ACOXL: variants seen among roughly 807,000 people sequenced by gnomAD.
ACOXL encodes acyl-coenzyme A oxidase-like protein.
Under a neutral mutation model 71.9 loss-of-function variants are expected in ACOXL, and 70 were observed. The observed-to-expected ratio is 0.97, with a 90% CI of 0.80 to 1.19. The LOEUF (loss-of-function observed/expected upper bound fraction) is 1.19, where lower values mean the gene tolerates loss of function less well. Ranked by LOEUF, ACOXL falls within the 50% of genes most tolerant of loss-of-function variation. The pLI, the probability that ACOXL is intolerant of heterozygous loss-of-function variation, is 0.00. For missense variants in ACOXL, 703 were observed against 736.3 expected, an observed-to-expected ratio of 0.95 and a Z score of 0.52; for synonymous variants, 253 against 281.6, an observed-to-expected ratio of 0.90 and a Z score of 1.02.
At chr2:111,049,408 G>A (rs1034993244) in intron 16 of ACOXL, 120 bp downstream of exon 16, 2 of 779,842 alleles carry the variant, frequency 2.6e-6, no homozygotes, top group Non-Finnish European at 2.1e-6. Flanking sequence ...GTGCTCCAGG[G>A]GGATAAGCTT....
At chr2:111,064,213 G>T (rs540432993) in intron 16 of ACOXL, among the ~76,000 whole-genome samples, 1 of 152,090 alleles carries the variant, frequency 6.6e-6, no homozygotes, top group African/African-American at 2.4e-5. Flanking sequence ...AAGGTGGGTG[G>T]ATCACGAGGT....
chr2:110,936,719 T>C (rs2060676714), intron 12 of ACOXL, among the ~76,000 whole-genome samples: 3 of 152,228 alleles, frequency 2.0e-5, no homozygotes, highest in South Asian at 4.1e-4. Context: ...GATAAAGAGA[T>C]ACATCGGCTG....
At chr2:110,867,863 C>T (rs914665929) in intron 10 of ACOXL, among the ~76,000 whole-genome samples, 15 of 152,090 alleles carry the variant, frequency 9.9e-5, no homozygotes, top group East Asian at 3.9e-4. Flanking sequence ...CTTGGGCTCA[C>T]GCCATTCTCC....
At chr2:111,061,802 G>A (rs2066829480) in intron 16 of ACOXL, among the ~76,000 whole-genome samples, 2 of 151,930 alleles carry the variant, frequency 1.3e-5, no homozygotes, top group Admixed American at 1.3e-4. Context: ...TATACAAAAT[G>A]TAATACCTGG....
chr2:110,900,316 A>G (rs973262575), intron 10 of ACOXL, among the ~76,000 whole-genome samples: 17 of 152,090 alleles, frequency 1.1e-4, no homozygotes, highest in African/African-American at 4.1e-4. Flanking sequence ...TTTGGGGAAA[A>G]TTTAAAATGG....
chr2:111,045,190 T>G (rs2149809621), intron 15 of ACOXL, among the ~76,000 whole-genome samples: 1 of 152,350 alleles, frequency 6.6e-6, no homozygotes, highest in Non-Finnish European at 1.5e-5. Context: ...GGCACTAGTT[T>G]GGCTGTGTAT....
intron 10 of ACOXL, among the ~76,000 whole-genome samples, chr2:110,899,592 G>A (rs2059145805): frequency 6.6e-6 from 1 of 152,106 alleles, no homozygotes. Flanking sequence ...TGCTGATGAC[G>A]GAAGGTGTTT....
At position 110,937,842 on chromosome 2, in the gene ACOXL, T is replaced by C. The variant is rs931256; in HGVS notation, c.1059+4200T>C. On this transcript the variant is annotated intron_variant, in intron 12 of 17. Transcript: ENST00000439055. ...TCCCACCCTATGCCTCAGTTTTTCC[T>C]TACATAATATGGAGATAACAAACCT... Among the ~76,000 whole-genome samples the C allele has an allele frequency of 2.6e-4, 39 of 152,162 alleles. 1 individual carries two copies. The highest frequency in any genetic ancestry group is 8.9e-4 in the African/African-American group (37 of 41,482).
intron 12 of ACOXL, among the ~76,000 whole-genome samples, chr2:110,957,114 T>G (rs1239338587): frequency 6.6e-6 from 1 of 152,110 alleles, no homozygotes; most frequent in African/African-American, 2.4e-5. Context: ...ACGGAAAATC[T>G]TACTCACTTT....
At chr2:111,017,681 T>G (rs2149694335) in intron 14 of ACOXL, among the ~76,000 whole-genome samples, 1 of 152,272 alleles carries the variant, frequency 6.6e-6, no homozygotes, top group East Asian at 1.9e-4. Context: ...GCTTGCCAGC[T>G]TCGTGGCTTA....
chr2:111,099,930 G>A (rs777798750), intron 17 of ACOXL: 17 of 152,162 alleles, frequency 1.1e-4, no homozygotes, highest in Admixed American at 9.8e-4. Context: ...TTCTTAAAGT[G>A]GAGAATTTTA....
At chr2:110,764,216 T>G (rs1680754465) in intron 1 of ACOXL, among the ~76,000 whole-genome samples, 1 of 152,212 alleles carries the variant, frequency 6.6e-6, no homozygotes, top group Non-Finnish European at 1.5e-5. Context: ...CACATGGATA[T>G]TTATAGCAAT....
rs555248862 is a variant in ACOXL, at chr2:110,971,743, T to C, written c.1060-15365T>C. 2.0e-5 allele frequency among the ~76,000 whole-genome samples: 3 copies of C among 152,346 alleles called. No individual in the cohort carries two copies. In the South Asian group the frequency reaches 6.2e-4, roughly 32 times the overall value. Reference sequence around the variant, plus strand: ...TTATTTGGGGGAGAATTGAGACTTATAATTTAACTTGGGCTAGATTAAAAG... The same window carrying C: ...TTATTTGGGGGAGAATTGAGACTTACAATTTAACTTGGGCTAGATTAAAAG... On this transcript the variant is annotated intron_variant, in intron 12 of 17. Coordinates refer to ENST00000439055, the MANE Select transcript of ACOXL (RefSeq NM_001142807.4).
At chr2:110,798,073 A>T (rs1685485335) in intron 5 of ACOXL, among the ~76,000 whole-genome samples, 1 of 152,130 alleles carries the variant, frequency 6.6e-6, no homozygotes, top group South Asian at 2.1e-4. Context: ...TTGAAAAATC[A>T]CTTTAATCTC....
chr2:110,749,065 TGGA>T (rs1290363810), intron 1 of ACOXL, among the ~76,000 whole-genome samples: 1 of 152,214 alleles, frequency 6.6e-6, no homozygotes, highest in Non-Finnish European at 1.5e-5. Context: ...CTGTGCTACC[TGGA>T]ATCATTCTGT....
At chr2:110,926,150 C>T (rs182231980) in intron 11 of ACOXL, among the ~76,000 whole-genome samples, 1 of 152,174 alleles carries the variant, frequency 6.6e-6, no homozygotes, top group Non-Finnish European at 1.5e-5. Context: ...AATGACAGAT[C>T]ACCATAACAG....
intron 12 of ACOXL, among the ~76,000 whole-genome samples, chr2:110,936,582 C>A (rs1430231274): frequency 6.6e-6 from 1 of 152,116 alleles, no homozygotes; most frequent in Non-Finnish European, 1.5e-5. Flanking sequence ...TTTGCCTAAC[C>A]TGTCTATAAA....
chr2:111,102,377 G>A (rs1005864640), intron 17 of ACOXL, among the ~76,000 whole-genome samples: 1 of 152,182 alleles, frequency 6.6e-6, no homozygotes, highest in Non-Finnish European at 1.5e-5. Flanking sequence ...GTACAGCTTT[G>A]TGTATCTGGA....
chr2:111,007,271 CT>C (rs771031836), intron 14 of ACOXL, among the ~76,000 whole-genome samples: 9 of 152,220 alleles, frequency 5.9e-5, no homozygotes, highest in Non-Finnish European at 8.8e-5. Context: ...TTTCCTCAAA[CT>C]TTCACCTATT....
Sources: gnomAD v4.1 joint callset for allele counts (sites outside exome capture counted in the v4.1 genomes callset) on GRCh38, gnomAD v4.1.1 for gene constraint, MANE v1.5 for transcripts, NCBI Gene and HGNC (gene_info 2026-07-23, HGNC 2026-07-21) for gene names.